Variants in PUM1 observed in about 807,000 individuals in gnomAD.
The protein encoded by PUM1 is pumilio RNA binding family member 1, also known as pumilio homolog 1.
A neutral mutation model predicts 131.8 loss-of-function variants in PUM1; 13 were observed. The ratio of observed to expected loss-of-function variants is 0.10; its 90% confidence interval spans 0.06 to 0.16. The LOEUF is 0.16. Ranked by LOEUF, PUM1 falls within the 10% of genes least tolerant of loss-of-function variation. PUM1 has a pLI of 1.00. For synonymous variants in PUM1, 509 were observed against 556.5 expected, an observed-to-expected ratio of 0.91 and a Z score of 1.20; for missense variants, 961 against 1,512.4, an observed-to-expected ratio of 0.64 and a Z score of 6.05.
intron 5 of PUM1, 62 bp downstream of exon 5, chr1:31,005,791 A>AAGAGAGAGAGAG (rs57530886): frequency 9.3e-5 from 122 of 1,314,040 alleles, no homozygotes; most frequent in African/African-American, 8.7e-4. Flanking sequence ...AGGGGAAAAA[A>AAGAGAGAGAGAG]AGAGAGAGAG....
intron 2 of PUM1, among the ~76,000 whole-genome samples, chr1:31,032,044 TAC>T (rs1269484545): frequency 5.9e-5 from 9 of 152,160 alleles, no homozygotes; most frequent in African/African-American, 2.2e-4. Context: ...CCCTACCTCT[TAC>T]AGTCAATTGT....
At chr1:30,989,738 A>G (rs967662257) in intron 7 of PUM1, among the ~76,000 whole-genome samples, 1 of 152,154 alleles carries the variant, frequency 6.6e-6, no homozygotes, top group Admixed American at 6.5e-5. Flanking sequence ...TAAATGATAA[A>G]GTGAGTTACA....
chr1:31,053,617 C>T (rs1644165206), intron 2 of PUM1, among the ~76,000 whole-genome samples: 1 of 151,568 alleles, frequency 6.6e-6, no homozygotes, highest in African/African-American at 2.4e-5. Flanking sequence ...GGACCACAGG[C>T]ACAGCGCCAC....
chr1:30,991,108 G>T lies in PUM1; in HGVS notation c.1158+1282C>A, dbSNP rs184961585. ...GAGAACCATATATTTTTGTTCATAA[G>T]AAATCTGAGACAAACCCTTCTTAAA... On this transcript the variant is annotated intron_variant, in intron 7 of 21. Coordinates refer to ENST00000426105, the MANE Select transcript of PUM1 (RefSeq NM_001020658.2). Among the ~76,000 whole-genome samples, 19 of 151,312 alleles carry T rather than the reference G, an allele frequency of 1.3e-4. No homozygotes were observed. In the East Asian group the frequency reaches 3.5e-3, roughly 28 times the overall value.
intron 16 of PUM1, 27 bp from the exon 17 acceptor site, chr1:30,950,288 A>G (rs1639873801): frequency 2.5e-6 from 4 of 1,601,356 alleles, no homozygotes; most frequent in Non-Finnish European, 3.4e-6. Flanking sequence ...GGTAAACACC[A>G]TTACTTAAGT....
chr1:30,963,278 C>G (rs950727503), intron 14 of PUM1, among the ~76,000 whole-genome samples: 2 of 152,104 alleles, frequency 1.3e-5, no homozygotes, highest in Non-Finnish European at 2.9e-5. Flanking sequence ...CTGCATTAAC[C>G]CCCAGTGTTT....
rs117713950 is a variant in PUM1 at position 30,956,560 on chromosome 1, G to A, written c.2324-2579C>T. Reference sequence around the variant, plus strand: ...ATTACAGGCATGAGCCACGGCGCCCGGCCAAGACTGTTCTTTATTCCATTT... The same window carrying A: ...ATTACAGGCATGAGCCACGGCGCCCAGCCAAGACTGTTCTTTATTCCATTT... On this transcript the variant is annotated intron_variant, in intron 14 of 21. Coordinates refer to ENST00000426105, the MANE Select transcript of PUM1 (RefSeq NM_001020658.2). 5.1e-3 allele frequency among the ~76,000 whole-genome samples: 782 copies of A among 152,208 alleles called. 4 individuals are homozygous for A. Among genetic ancestry groups the A allele is most frequent in the East Asian group, 0.032 (166 of 5,184 alleles).
chr1:30,990,403 T>G (rs1641743207), intron 7 of PUM1, among the ~76,000 whole-genome samples: 1 of 152,084 alleles, frequency 6.6e-6, no homozygotes, highest in South Asian at 2.1e-4. Flanking sequence ...GCTTTTTGGT[T>G]TGGAGACTAA....
intron 3 of PUM1, among the ~76,000 whole-genome samples, chr1:31,014,354 A>G (rs993405660): frequency 6.6e-6 from 1 of 151,836 alleles, no homozygotes; most frequent in Non-Finnish European, 1.5e-5. Flanking sequence ...AAAAATAAAA[A>G]AAAGTCGAGG....
rs761050142 is a variant in PUM1 at position 31,028,792 on chromosome 1, T to C, written c.432+4A>G. 56 of 1,612,278 alleles carry C rather than the reference T, an allele frequency of 3.5e-5. No homozygotes were observed. Among genetic ancestry groups the C allele is most frequent in the Non-Finnish European group, 4.7e-5 (55 of 1,178,442 alleles). On this transcript the variant is annotated splice_donor_region_variant and intron_variant, in intron 3 of 21. Coordinates refer to ENST00000426105, the MANE Select transcript of PUM1 (RefSeq NM_001020658.2). ...CCACTTTTCTGACACACCAGTTCAC[T>C]TACCTCTCCCATCGCTCTTCCCTCC...
At chr1:31,038,974 A>ATTTTTTTTTTTTT (rs1557599182) in intron 2 of PUM1, among the ~76,000 whole-genome samples, 2 of 30,706 alleles carry the variant, frequency 6.5e-5, no homozygotes, top group African/African-American at 5.4e-4. Context: ...ATATATATAT[A>ATTTTTTTTTTTTT]TATATATATA....
chr1:31,004,809 T>A (rs1429009007), intron 5 of PUM1, among the ~76,000 whole-genome samples: 1 of 152,224 alleles, frequency 6.6e-6, no homozygotes, highest in East Asian at 1.9e-4. Context: ...TAAGAAATAC[T>A]GAGCAACAAA....
intron 18 of PUM1, among the ~76,000 whole-genome samples, 158 bp from the exon 19 acceptor site, chr1:30,942,281 G>C (rs1366302122): frequency 7.3e-6 from 1 of 136,824 alleles, no homozygotes; most frequent in East Asian, 2.2e-4. Flanking sequence ...TGGCATTTAA[G>C]TTCTCTCTAC....
At chr1:30,994,268 A>G (rs890571556) in intron 6 of PUM1, among the ~76,000 whole-genome samples, 1 of 152,148 alleles carries the variant, frequency 6.6e-6, no homozygotes, top group Non-Finnish European at 1.5e-5. Flanking sequence ...ATGCACACAC[A>G]TTAGCTTTAC....
chr1:30,946,482 CA>C (rs1639675657), intron 17 of PUM1, among the ~76,000 whole-genome samples: 1 of 151,330 alleles, frequency 6.6e-6, no homozygotes, highest in Non-Finnish European at 1.5e-5. Context: ...ACTAAAAATA[CA>C]AAAATTAGCT....
chr1:30,956,556 G>A (rs187149827), intron 14 of PUM1, among the ~76,000 whole-genome samples: 19 of 152,266 alleles, frequency 1.2e-4, no homozygotes, highest in Admixed American at 3.3e-4. Flanking sequence ...GAGCCACGGC[G>A]CCCGGCCAAG....
intron 7 of PUM1, among the ~76,000 whole-genome samples, chr1:30,983,541 G>A (rs1452509990): frequency 2.6e-5 from 4 of 152,102 alleles, no homozygotes; most frequent in Non-Finnish European, 4.4e-5. Flanking sequence ...AGGGTATCTC[G>A]ATTTATTAAC....
At chr1:30,945,771 A>T (rs1639640983) in intron 17 of PUM1, among the ~76,000 whole-genome samples, 1 of 152,186 alleles carries the variant, frequency 6.6e-6, no homozygotes, top group Non-Finnish European at 1.5e-5. Flanking sequence ...AAGCCTCTTA[A>T]GAGTGCTTTT....
At chr1:31,016,982 G>T (rs1398559514) in intron 3 of PUM1, among the ~76,000 whole-genome samples, 1 of 152,180 alleles carries the variant, frequency 6.6e-6, no homozygotes, top group Non-Finnish European at 1.5e-5. Context: ...CACTAAGGAT[G>T]AAATCAAGGA....
Sources: allele counts gnomAD v4.1 joint callset (sites outside exome capture counted in the v4.1 genomes callset), GRCh38; gene constraint gnomAD v4.1.1; transcripts MANE v1.5; gene names NCBI Gene and HGNC (gene_info 2026-07-23, HGNC 2026-07-21).